Variants in TASP1 observed in about 807,000 individuals in gnomAD.
TASP1 encodes the protein taspase 1.
A neutral mutation model predicts 56.6 loss-of-function variants in TASP1; 16 were observed. The ratio of observed to expected loss-of-function variants is 0.28; its 90% CI spans 0.19 to 0.43. The LOEUF is 0.43. TASP1 is among the 20% of genes least tolerant of loss of function. TASP1 has a pLI of 1.00. For missense variants in TASP1, 393 were observed against 511.6 expected, an observed-to-expected ratio of 0.77 and a Z score of 2.24; for synonymous variants, 179 against 184.2, an observed-to-expected ratio of 0.97 and a Z score of 0.23.
At chr20:13,415,205 T>A (rs140020252) in intron 13 of TASP1, among the ~76,000 whole-genome samples, 64 of 152,286 alleles carry the variant, frequency 4.2e-4, no homozygotes, top group African/African-American at 1.5e-3. Context: ...ATGCCACTAG[T>A]TAGTTCAACT....
intron 4 of TASP1, among the ~76,000 whole-genome samples, chr20:13,622,062 A>G (rs1318186184): frequency 6.6e-6 from 1 of 152,158 alleles, no homozygotes; most frequent in Non-Finnish European, 1.5e-5. Context: ...TGATGCTGTA[A>G]AACTTGTCAT....
chr20:13,197,420 C>T, the TASP1 span, among the ~76,000 whole-genome samples: 2 of 152,158 alleles, frequency 1.3e-5, no homozygotes, highest in African/African-American at 4.8e-5. Flanking sequence ...CTGTGCTGGG[C>T]TAGAAGTCAC....
chr20:13,322,105 C>T, the TASP1 span, among the ~76,000 whole-genome samples: 1 of 152,110 alleles, frequency 6.6e-6, no homozygotes, highest in South Asian at 2.1e-4. Flanking sequence ...GTACAAGTAC[C>T]GTTTTGCAAA....
intron 4 of TASP1, among the ~76,000 whole-genome samples, chr20:13,601,739 T>C (rs1043027088): frequency 6.6e-5 from 10 of 152,038 alleles, no homozygotes; most frequent in African/African-American, 2.2e-4. Context: ...CACTACACTG[T>C]GTAAGGCATG....
intron 10 of TASP1, among the ~76,000 whole-genome samples, 176 bp downstream of exon 10, chr20:13,528,257 A>G (rs545567346): frequency 6.6e-6 from 1 of 151,418 alleles, no homozygotes; most frequent in African/African-American, 2.4e-5. Flanking sequence ...AAATGTTAGC[A>G]AAGTATTTAC....
At chr20:13,538,410 T>C (rs1036771521) in intron 8 of TASP1, among the ~76,000 whole-genome samples, 1 of 152,188 alleles carries the variant, frequency 6.6e-6, no homozygotes, top group African/African-American at 2.4e-5. Context: ...TATAAGTGCA[T>C]TCTAAAATAG....
At chr20:13,465,876 G>C (rs2044235952) in intron 11 of TASP1, among the ~76,000 whole-genome samples, 1 of 152,092 alleles carries the variant, frequency 6.6e-6, no homozygotes, top group South Asian at 2.1e-4. Context: ...TGGTTATAAA[G>C]GGGGAACGTG....
At chr20:13,180,046 G>A in the TASP1 span, among the ~76,000 whole-genome samples, 1 of 152,076 alleles carries the variant, frequency 6.6e-6, no homozygotes, top group Non-Finnish European at 1.5e-5. Flanking sequence ...CTGTAGGTTG[G>A]CCTCCCCACC....
chr20:13,541,508 A>G (rs568902809), intron 8 of TASP1, among the ~76,000 whole-genome samples: 131 of 152,152 alleles, frequency 8.6e-4, no homozygotes, highest in Admixed American at 1.9e-3. Flanking sequence ...ATCCACACAC[A>G]AGCACACCTA....
At chr20:13,530,868 C>T (rs902191419) in intron 9 of TASP1, among the ~76,000 whole-genome samples, 1 of 152,068 alleles carries the variant, frequency 6.6e-6, no homozygotes, top group Admixed American at 6.6e-5. Flanking sequence ...CTTAAGCAAG[C>T]CTTTAAAAAC....
chr20:13,249,674 T>C, the TASP1 span, among the ~76,000 whole-genome samples: 11 of 152,266 alleles, frequency 7.2e-5, no homozygotes, highest in Admixed American at 6.5e-5. Flanking sequence ...TGGCAGGCTC[T>C]GGTGGTTCGA....
chr20:13,330,209 C>A, the TASP1 span, among the ~76,000 whole-genome samples: 1 of 152,118 alleles, frequency 6.6e-6, no homozygotes, highest in Non-Finnish European at 1.5e-5. Flanking sequence ...CCCGCCTCAG[C>A]CTCTTAAAGT....
chr20:13,603,364 T>A (rs1264769829), intron 4 of TASP1, among the ~76,000 whole-genome samples: 1 of 151,258 alleles, frequency 6.6e-6, no homozygotes, highest in Non-Finnish European at 1.5e-5. Flanking sequence ...ATGGTGAAAC[T>A]CAGTCTCTAC....
intron 13 of TASP1, among the ~76,000 whole-genome samples, chr20:13,396,073 G>A (rs1256674099): frequency 6.6e-6 from 1 of 152,114 alleles, no homozygotes; most frequent in Non-Finnish European, 1.5e-5. Context: ...GGCAAGAGAA[G>A]GGCTGGGGAA....
chr20:13,221,544 C>T, the TASP1 span, among the ~76,000 whole-genome samples: 1 of 143,720 alleles, frequency 7.0e-6, no homozygotes, highest in African/African-American at 2.5e-5. Flanking sequence ...GCGGTGGCTC[C>T]GCCGTGGTGC....
At chr20:13,375,434 C>T in the TASP1 span, among the ~76,000 whole-genome samples, 1 of 152,190 alleles carries the variant, frequency 6.6e-6, no homozygotes, top group Admixed American at 6.5e-5. Context: ...TATGGCTGCA[C>T]AGTATTCCAT....
At chr20:13,205,996 C>T in the TASP1 span, among the ~76,000 whole-genome samples, 4 of 152,202 alleles carry the variant, frequency 2.6e-5, no homozygotes, top group African/African-American at 2.4e-5. Flanking sequence ...CCTCCATCAC[C>T]GGGTGCAGGT....
chr20:13,151,419 A>C, the TASP1 span, among the ~76,000 whole-genome samples: 1 of 152,208 alleles, frequency 6.6e-6, no homozygotes, highest in Non-Finnish European at 1.5e-5. Context: ...GTCTGTGGTC[A>C]GGATAGAGGG....
the TASP1 span, among the ~76,000 whole-genome samples, chr20:13,170,618 C>T: frequency 6.6e-6 from 1 of 152,156 alleles, no homozygotes; most frequent in Non-Finnish European, 1.5e-5. Context: ...AACAGCGCTC[C>T]CTTTTATTCA....
Sources: allele counts gnomAD v4.1 joint callset (sites outside exome capture counted in the v4.1 genomes callset), GRCh38; gene constraint gnomAD v4.1.1; transcripts MANE v1.5; gene names NCBI Gene and HGNC (gene_info 2026-07-23, HGNC 2026-07-21).